Variants in SFI1 observed in about 807,000 individuals in gnomAD.
The protein encoded by SFI1 is SFI1 centrin binding protein, also known as protein SFI1 homolog.
A neutral mutation model predicts 207.5 loss-of-function variants in SFI1; 195 were observed. The ratio of observed to expected loss-of-function variants is 0.94; its 90% CI spans 0.84 to 1.06. SFI1 has a LOEUF of 1.06. SFI1 is among the 50% of genes least tolerant of loss of function. The pLI is 0.00. For missense variants in SFI1, 1,634 were observed against 1,588.0 expected, an observed-to-expected ratio of 1.03 and a Z score of -0.49; for synonymous variants, 630 against 598.9, an observed-to-expected ratio of 1.05 and a Z score of -0.76.
intron 11 of SFI1, 88 bp from the exon 12 acceptor site, chr22:31,580,184 T>G (rs951539665): frequency 3.2e-6 from 3 of 939,418 alleles, no homozygotes; most frequent in Non-Finnish European, 5.0e-6. Context: ...CCCGCTGATT[T>G]GAGGCACTGT....
chr22:31,611,040 C>A, intron 22 of SFI1, 103 bp from the exon 23 acceptor site: 1 of 1,489,246 alleles, frequency 6.7e-7, no homozygotes, highest in Non-Finnish European at 9.3e-7. Context: ...GACACCTGAA[C>A]TCTATCCCTG....
chr22:31,580,542 CTTTTTT>C (rs11347645), intron 12 of SFI1, among the ~76,000 whole-genome samples, 178 bp downstream of exon 12: 1 of 117,282 alleles, frequency 8.5e-6, no homozygotes, highest in Non-Finnish European at 1.7e-5. Flanking sequence ...CTTTTCTTTT[CTTTTTT>C]TTTTTTTTTT....
rs1289346646 is a variant in SFI1 at position 31,533,770 on chromosome 22, A to AT, written c.338+2648dup. ...GGTAGCTCTTCAGTGCCTTAAATAAATTTTTTTGCTCTGCTTTTTTTGTTG... is the reference window on the plus strand; with the variant it reads ...GGTAGCTCTTCAGTGCCTTAAATAAATTTTTTTTGCTCTGCTTTTTTTGTTG... On this transcript the variant is annotated intron_variant, in intron 4 of 32. Transcript: ENST00000400288. Among the ~76,000 whole-genome samples the AT allele has an allele frequency of 3.3e-5, 5 of 152,054 alleles. No individual in the cohort carries two copies. The South Asian group carries it at 8.3e-4, about 25-fold the overall frequency.
intron 15 of SFI1, among the ~76,000 whole-genome samples, chr22:31,598,039 G>A (rs1395444549): frequency 4.0e-5 from 6 of 151,356 alleles, no homozygotes; most frequent in East Asian, 3.9e-4. Flanking sequence ...GTGCAGTGGC[G>A]TGATCTTGGC....
chr22:31,528,954 C>A, intron 3 of SFI1, 91 bp downstream of exon 3: 1 of 1,279,578 alleles, frequency 7.8e-7, no homozygotes. Context: ...ATTCTTCCAC[C>A]GCAATTAGTG....
At chr22:31,593,140 C>T (rs1319775969) in intron 15 of SFI1, among the ~76,000 whole-genome samples, 3 of 137,712 alleles carry the variant, frequency 2.2e-5, no homozygotes, top group Non-Finnish European at 4.9e-5. Context: ...GGCTGACCCC[C>T]CCCCACCTCC....
intron 31 of SFI1, 147 bp from the exon 32 acceptor site, chr22:31,617,968 G>A (rs975860424): frequency 8.5e-6 from 7 of 821,624 alleles, no homozygotes; most frequent in Non-Finnish European, 1.3e-5. Context: ...CCCAAGCAGG[G>A]GCCTGCAGTT....
chr22:31,602,083 C>T (rs1222072340), intron 15 of SFI1, 129 bp from the exon 16 acceptor site: 2 of 775,148 alleles, frequency 2.6e-6, no homozygotes, highest in Non-Finnish European at 4.3e-6. Context: ...CTGTGCCCAG[C>T]CACTTAATTC....
intron 5 of SFI1, among the ~76,000 whole-genome samples, chr22:31,549,314 AAGAC>A (rs2060406044): frequency 6.7e-6 from 1 of 150,190 alleles, no homozygotes; most frequent in Non-Finnish European, 1.5e-5. Context: ...AAAAAAAAAA[AAGAC>A]AAGATTGTCA....
At chr22:31,571,959 T>C (rs926535574) in intron 8 of SFI1, among the ~76,000 whole-genome samples, 6 of 152,004 alleles carry the variant, frequency 3.9e-5, no homozygotes, top group South Asian at 4.1e-4. Flanking sequence ...TTCAAAAATC[T>C]ATAGAGAGTG....
intron 28 of SFI1, 83 bp from the exon 29 acceptor site, chr22:31,614,965 G>A: frequency 6.4e-7 from 1 of 1,573,192 alleles, no homozygotes; most frequent in South Asian, 1.1e-5. Flanking sequence ...GCCCTGGGGT[G>A]GGTGGCCCCC....
At chr22:31,503,543 A>C (rs1216120328) in intron 1 of SFI1, among the ~76,000 whole-genome samples, 6 of 150,054 alleles carry the variant, frequency 4.0e-5, no homozygotes, top group Non-Finnish European at 5.9e-5. Flanking sequence ...TACATGTTTA[A>C]CTGGGAGTCA....
At chr22:31,612,855 T>G in intron 24 of SFI1, 1 of 435,392 alleles carries the variant, frequency 2.3e-6, no homozygotes, top group Non-Finnish European at 4.2e-6. Flanking sequence ...CCTCTTCCCG[T>G]TCTGTTGTCC....
At position 31,607,980 on chromosome 22, in the gene SFI1, A is replaced by C. The variant is rs1483473805; in HGVS notation, c.2201A>C (p.Tyr734Ser). 6.2e-7 allele frequency: 1 copy of C among 1,613,914 alleles called. No homozygotes were observed. The highest frequency in any genetic ancestry group is 1.7e-5 in the Admixed American group (1 of 60,006). ...WREAVSVQMY[Y>S]RQQEDCAIWE... Reference sequence around the variant, plus strand: ...GAAGCTGTGTCAGTGCAGATGTATTACCGACAGCAGGAGGACTGTGCCATC... The same window carrying C: ...GAAGCTGTGTCAGTGCAGATGTATTCCCGACAGCAGGAGGACTGTGCCATC... Residue 734 changes from tyrosine (Y) to serine (S), a missense_variant, in exon 22 of 33, where the codon TAC becomes TCC. Transcript: ENST00000400288.
chr22:31,497,307 T>C (rs1156558647), intron 1 of SFI1: 2 of 152,326 alleles, frequency 1.3e-5, no homozygotes, highest in East Asian at 3.9e-4. Context: ...GAGCAACTAT[T>C]TTTTCAACAG....
At chr22:31,521,196 C>A in intron 2 of SFI1, 1 of 167,852 alleles carries the variant, frequency 6.0e-6, no homozygotes, top group Non-Finnish European at 1.4e-5. Context: ...ATACAGGCAT[C>A]CTTTACATAG....
rs764543417 is a variant in SFI1, at chr22:31,590,650, GCCTGCCACCATGC to G, written c.1544+1076_1544+1088del. On this transcript the variant is annotated intron_variant, in intron 15 of 32. Transcript: ENST00000400288. ...CTCCTGAGTAGCTGGAATTACAGGT[GCCTGCCACCATGC>G]CCAGCTAATTTTTTGTGTTTTTAGT... Among the ~76,000 whole-genome samples the G allele has an allele frequency of 1.7e-4, 26 of 150,764 alleles. No individual in the cohort carries two copies. In the East Asian group the frequency reaches 2.9e-3, roughly 17 times the overall value.
chr22:31,543,603 A>T (rs1434474447), intron 4 of SFI1, among the ~76,000 whole-genome samples: 1 of 152,088 alleles, frequency 6.6e-6, no homozygotes, highest in African/African-American at 2.4e-5. Flanking sequence ...CGAGCTCAGG[A>T]GTTCGAGACC....
At chr22:31,589,282 A>G (rs1366295369) in intron 14 of SFI1, among the ~76,000 whole-genome samples, 165 bp from the exon 15 acceptor site, 6 of 151,588 alleles carry the variant, frequency 4.0e-5, no homozygotes, top group Non-Finnish European at 7.4e-5. Context: ...TACCTATCCT[A>G]TTTCATTTTT....
Sources: allele counts gnomAD v4.1 joint callset (sites outside exome capture counted in the v4.1 genomes callset), GRCh38; gene constraint gnomAD v4.1.1; transcripts MANE v1.5; gene names NCBI Gene and HGNC (gene_info 2026-07-23, HGNC 2026-07-21).